DLG2: variants seen among roughly 807,000 people sequenced by gnomAD.
The protein encoded by DLG2 is discs large MAGUK scaffold protein 2, also known as disks large homolog 2.
In DLG2, 45 loss-of-function variants were observed where a neutral mutation model predicts 132.5. The ratio of observed to expected loss-of-function variants is 0.34; its 90% confidence interval spans 0.27 to 0.44. The LOEUF (loss-of-function observed/expected upper bound fraction) is 0.44. Ranked by LOEUF, DLG2 falls within the 20% of genes least tolerant of loss-of-function variation. The pLI, the probability that DLG2 is intolerant of heterozygous loss-of-function variation, is 1.00. For synonymous variants in DLG2, 424 were observed against 419.6 expected, an observed-to-expected ratio of 1.01 and a Z score of -0.13; for missense variants, 1,045 against 1,196.9, an observed-to-expected ratio of 0.87 and a Z score of 1.87.
At position 84,169,122 on chromosome 11, in the gene DLG2, T is replaced by C. The variant is rs116726620; in HGVS notation, c.574-5611A>G. Among the ~76,000 whole-genome samples, 492 of 152,282 alleles carry C rather than the reference T, an allele frequency of 3.2e-3. 4 individuals carry two copies. The highest frequency in any genetic ancestry group is 0.012 in the African/African-American group (480 of 41,566). ...AACCTCAATTTCTTTATGTGAAGAA[T>C]AGTACTAAAAATAGTTCTTCCTCGT... On this transcript the variant is annotated intron_variant, in intron 8 of 27. Transcript: ENST00000376104.
At chr11:83,489,293 A>AATC (rs2093704344) in intron 21 of DLG2, among the ~76,000 whole-genome samples, 1 of 152,006 alleles carries the variant, frequency 6.6e-6, no homozygotes, top group African/African-American at 2.4e-5. Context: ...ATAAAAATGC[A>AATC]ATCAATCAGC....
At chr11:83,961,646 C>G (rs1008176352) in intron 14 of DLG2, among the ~76,000 whole-genome samples, 2 of 151,852 alleles carry the variant, frequency 1.3e-5, no homozygotes, top group Non-Finnish European at 1.5e-5. Flanking sequence ...AATGTTAATT[C>G]GCTATGGGGC....
At chr11:83,583,955 C>T (rs780920062) in intron 19 of DLG2, among the ~76,000 whole-genome samples, 3 of 152,134 alleles carry the variant, frequency 2.0e-5, no homozygotes, top group Non-Finnish European at 2.9e-5. Flanking sequence ...TCCATTGAAT[C>T]ATGAAAAAGA....
intron 9 of DLG2, among the ~76,000 whole-genome samples, chr11:84,157,998 T>C (rs537395564): frequency 9.9e-5 from 15 of 152,196 alleles, no homozygotes; most frequent in Middle Eastern, 3.4e-3. Context: ...ATAGAATTCA[T>C]AGGCCAGTGG....
intron 3 of DLG2, among the ~76,000 whole-genome samples, chr11:85,504,689 A>C (rs1467166681): frequency 1.3e-5 from 2 of 152,076 alleles, no homozygotes; most frequent in African/African-American, 4.8e-5. Flanking sequence ...TTGTCTTGGC[A>C]ATGCAGGCTC....
chr11:84,533,701 G>A (rs2099348203), intron 7 of DLG2, among the ~76,000 whole-genome samples: 1 of 151,946 alleles, frequency 6.6e-6, no homozygotes, highest in Admixed American at 6.6e-5. Flanking sequence ...CAGCTGTGTA[G>A]AAGTGCTGGC....
chr11:85,366,365 T>A (rs1336520322), intron 3 of DLG2, among the ~76,000 whole-genome samples: 3 of 152,072 alleles, frequency 2.0e-5, no homozygotes, highest in African/African-American at 7.2e-5. Context: ...GCACAATATA[T>A]ATAAATAAAT....
At chr11:85,370,922 T>TC (rs1246724849) in intron 3 of DLG2, among the ~76,000 whole-genome samples, 3 of 152,194 alleles carry the variant, frequency 2.0e-5, no homozygotes, top group African/African-American at 7.2e-5. Context: ...TTTCTAAAAT[T>TC]CTAATGTCTA....
At chr11:84,089,959 T>C (rs2097060483) in intron 10 of DLG2, among the ~76,000 whole-genome samples, 1 of 152,172 alleles carries the variant, frequency 6.6e-6, no homozygotes, top group South Asian at 2.1e-4. Flanking sequence ...TGATGACATA[T>C]CAATATTGGT....
At chr11:84,997,799 G>A (rs1592417689) in intron 6 of DLG2, 1 of 152,160 alleles carries the variant, frequency 6.6e-6, no homozygotes, top group East Asian at 1.9e-4. Flanking sequence ...CCTTCTGTGT[G>A]CCCAATATTA....
intron 21 of DLG2, among the ~76,000 whole-genome samples, chr11:83,485,429 C>A (rs556135517): frequency 1.2e-4 from 19 of 152,192 alleles, no homozygotes; most frequent in African/African-American, 4.3e-4. Context: ...AAATATGTTT[C>A]ATCAGATTGA....
At chr11:85,198,010 T>C (rs1243538837) in intron 4 of DLG2, among the ~76,000 whole-genome samples, 1 of 152,118 alleles carries the variant, frequency 6.6e-6, no homozygotes, top group Non-Finnish European at 1.5e-5. Context: ...AAATTATAAT[T>C]ATGATAAATA....
chr11:84,021,766 T>A (rs1334045942), intron 11 of DLG2, among the ~76,000 whole-genome samples: 1 of 151,914 alleles, frequency 6.6e-6, no homozygotes, highest in East Asian at 1.9e-4. Context: ...CTACTTCTTT[T>A]TTTTTTTTGA....
intron 12 of DLG2, among the ~76,000 whole-genome samples, chr11:83,966,078 C>T (rs1394193845): frequency 5.3e-5 from 8 of 151,964 alleles, no homozygotes; most frequent in Non-Finnish European, 1.5e-5. Context: ...TTGCACTAAT[C>T]CTTTTTCTAT....
chr11:85,575,759 CTCT>C (rs10580153), intron 3 of DLG2, among the ~76,000 whole-genome samples: 10,813 of 152,136 alleles, frequency 0.071, 629 homozygotes, highest in East Asian at 0.27. Flanking sequence ...AAAACAGCAA[CTCT>C]TCTTCTACTT....
intron 6 of DLG2, among the ~76,000 whole-genome samples, chr11:84,572,510 C>A (rs1165991982): frequency 6.6e-6 from 1 of 152,122 alleles, no homozygotes; most frequent in African/African-American, 2.4e-5. Context: ...TTTAGGCCCA[C>A]AGGCTTTAAA....
intron 6 of DLG2, among the ~76,000 whole-genome samples, chr11:84,637,542 G>A (rs147893800): frequency 6.6e-6 from 1 of 152,322 alleles, no homozygotes; most frequent in Non-Finnish European, 1.5e-5. Flanking sequence ...AGGTGGTTAA[G>A]TAGCAGGACA....
At chr11:84,404,021 C>A (rs1412081230) in intron 7 of DLG2, among the ~76,000 whole-genome samples, 3 of 151,960 alleles carry the variant, frequency 2.0e-5, no homozygotes, top group Non-Finnish European at 4.4e-5. Context: ...TTTTTCACTC[C>A]ATCTACTTTT....
rs950905582 is a variant in DLG2 at position 84,554,468 on chromosome 11, C to T, written c.358-19737G>A. ...TAATTTAAAAATAAAGAAAATGGGC[C>T]GGGTGCGGTAGCTCATGCCTGTAAT... On this transcript the variant is annotated intron_variant, in intron 6 of 27. Coordinates refer to ENST00000376104, the MANE Select transcript of DLG2 (RefSeq NM_001142699.3). 7.9e-5 allele frequency among the ~76,000 whole-genome samples: 12 copies of T among 152,066 alleles called. 1 individual carries two copies. The highest frequency in any genetic ancestry group is 4.6e-4 in the Admixed American group (7 of 15,274).
Sources: allele counts gnomAD v4.1 joint callset (sites outside exome capture counted in the v4.1 genomes callset), GRCh38; gene constraint gnomAD v4.1.1; transcripts MANE v1.5; gene names NCBI Gene and HGNC (gene_info 2026-07-23, HGNC 2026-07-21).